The following PRRC2B variants were observed in gnomAD, a reference collection of about 807,000 sequenced individuals.
PRRC2B encodes protein PRRC2B.
In PRRC2B, 68 loss-of-function variants were observed where a neutral mutation model predicts 242.3. That is an observed-to-expected ratio of 0.28 (90% CI 0.23 to 0.34). PRRC2B has a LOEUF of 0.34. PRRC2B is among the 10% of genes least tolerant of loss of function. The pLI, the probability that PRRC2B is intolerant of heterozygous loss-of-function variation, is 1.00. For synonymous variants in PRRC2B, 1,228 were observed against 1,173.6 expected (o/e 1.05, Z -0.95); for missense variants, 2,835 against 2,954.8 (o/e 0.96, Z 0.94).
At chr9:131,382,475 C>T (rs1466132645) in intron 1 of PRRC2B, among the ~76,000 whole-genome samples, 2 of 152,064 alleles carry the variant, frequency 1.3e-5, no homozygotes, top group Non-Finnish European at 2.9e-5. Flanking sequence ...TCCCAGGGAA[C>T]CCCTGTGTTG....
intron 19 of PRRC2B, among the ~76,000 whole-genome samples, chr9:131,479,969 T>C (rs917584548): frequency 6.6e-6 from 1 of 152,352 alleles, no homozygotes; most frequent in South Asian, 2.1e-4. Context: ...AATTTTTCCT[T>C]ATAAAATAGA....
At chr9:131,401,441 G>A (rs1026015162) in intron 1 of PRRC2B, among the ~76,000 whole-genome samples, 1 of 151,492 alleles carries the variant, frequency 6.6e-6, no homozygotes, top group African/African-American at 2.4e-5. Context: ...GAGTGCAGTG[G>A]CACGATCTTG....
At chr9:131,452,998 T>C (rs963771656) in intron 9 of PRRC2B, among the ~76,000 whole-genome samples, 5 of 152,254 alleles carry the variant, frequency 3.3e-5, no homozygotes, top group Admixed American at 3.3e-4. Context: ...TGTTTTTGTC[T>C]GCTTCTATGA....
In PRRC2B at chr9:131,446,308, T is replaced by A; in HGVS notation, c.614-93T>A. The A allele has an allele frequency of 6.9e-7, 1 of 1,448,338 alleles. No homozygotes were observed. The highest frequency in any genetic ancestry group is 9.3e-7 in the Non-Finnish European group (1 of 1,075,888). 89.7% of individuals were successfully genotyped at this position (1,448,338 alleles called of 1,614,324 possible). A position where few individuals can be genotyped will look rare whatever the true frequency, so the allele number is the denominator to read the frequency against. ...TTTGTTTTTCATTTTATTTTTTTGG[T>A]GAAGGAGGGGGTCCCTTGACCTTCA... On this transcript the variant is annotated intron_variant, in intron 6 of 31. Coordinates refer to ENST00000683519, the MANE Select transcript of PRRC2B (RefSeq NM_013318.4). The surrounding 1 kb of genome is among the most constrained non-coding windows in gnomAD (Gnocchi z 4.1).
intron 1 of PRRC2B, among the ~76,000 whole-genome samples, chr9:131,407,714 C>T (rs1372228372): frequency 6.6e-6 from 1 of 152,112 alleles, no homozygotes; most frequent in African/African-American, 2.4e-5. Context: ...AGAGAAAGTT[C>T]CTTTGTCTCG....
chr9:131,393,052 G>C (rs1836931511), upstream of PRRC2B, among the ~76,000 whole-genome samples: 1 of 152,132 alleles, frequency 6.6e-6, no homozygotes, highest in South Asian at 2.1e-4. Flanking sequence ...ACTAAGCTTT[G>C]TTCACCAGCC....
At chr9:131,406,304 C>T (rs561217309) in intron 1 of PRRC2B, among the ~76,000 whole-genome samples, 55 of 152,328 alleles carry the variant, frequency 3.6e-4, no homozygotes, top group Non-Finnish European at 6.9e-4. Flanking sequence ...CTGTACATCT[C>T]TCCACAATGA....
At position 131,487,892 on chromosome 9, in the gene PRRC2B, C is replaced by T. The variant is rs373360996; in HGVS notation, c.6021C>T (p.Pro2007=). ...ACATGCACCCCAGCCTGTCACCGCC[C>T]AGCACCATGATCCTCTCTGGGGGCA... ...QVYMHPSLSP[P]STMILSGGTA... The change falls in exon 28 of 32, where the codon CCC becomes CCT. Residue 2007 remains proline, a synonymous_variant. Coordinates refer to ENST00000683519, the MANE Select transcript of PRRC2B (RefSeq NM_013318.4). The surrounding 1 kb of genome is among the most constrained non-coding windows in gnomAD (Gnocchi z 5.3). 1.3e-5 allele frequency: 21 copies of T among 1,613,382 alleles called. No homozygotes were observed. In the South Asian group the frequency reaches 2.0e-4, roughly 15 times the overall value.
intron 11 of PRRC2B, among the ~76,000 whole-genome samples, chr9:131,459,872 G>T (rs992563345): frequency 2.0e-5 from 3 of 150,710 alleles, no homozygotes; most frequent in Non-Finnish European, 1.5e-5. Flanking sequence ...AAAACAGCCA[G>T]GCATGGTGGC....
At chr9:131,445,855 G>T (rs1211093748) in intron 6 of PRRC2B, among the ~76,000 whole-genome samples, 1 of 152,234 alleles carries the variant, frequency 6.6e-6, no homozygotes, top group Non-Finnish European at 1.5e-5. Context: ...AGACAGGTCA[G>T]CAGGTTTCCG....
At position 131,482,273 on chromosome 9, in the gene PRRC2B, C is replaced by G; in HGVS notation, c.4984-98C>G. The G allele has an allele frequency of 7.5e-7, 1 of 1,327,558 alleles. No individual in the cohort carries two copies. Among genetic ancestry groups the G allele is most frequent in the Non-Finnish European group, 1.0e-6 (1 of 964,460 alleles). The allele number at this position is 1,327,558 out of a possible 1,614,324, so 82.2% of individuals were successfully genotyped here. Reference sequence around the variant, plus strand: ...AGGACCAGACTTGGCAAGGGACAGGCAGCTGGGGTAGAAAAGTCTCTGTGC... The same window carrying G: ...AGGACCAGACTTGGCAAGGGACAGGGAGCTGGGGTAGAAAAGTCTCTGTGC... On this transcript the variant is annotated intron_variant, in intron 20 of 31. Transcript: ENST00000683519. This position sits in a 1 kb window ranked among gnomAD's most constrained non-coding sequence, Gnocchi z 5.2.
chr9:131,469,555 C>T (rs1240932150), intron 13 of PRRC2B, among the ~76,000 whole-genome samples: 2 of 152,158 alleles, frequency 1.3e-5, no homozygotes, highest in Non-Finnish European at 2.9e-5. Context: ...GGAGTGCCAA[C>T]AGAACTGTCC....
chr9:131,425,159 T>C (rs1350014460), intron 1 of PRRC2B, among the ~76,000 whole-genome samples: 1 of 151,974 alleles, frequency 6.6e-6, no homozygotes, highest in Admixed American at 6.6e-5. Context: ...CTCCTTTTTG[T>C]ATTTTTAGTA....
At chr9:131,424,403 C>G (rs750029434) in intron 1 of PRRC2B, among the ~76,000 whole-genome samples, 7 of 148,878 alleles carry the variant, frequency 4.7e-5, no homozygotes, top group African/African-American at 1.5e-4. Context: ...GTTGGGGGCA[C>G]TGGCTGGGTG....
intron 1 of PRRC2B, among the ~76,000 whole-genome samples, chr9:131,421,611 G>T (rs1837845339): frequency 6.6e-6 from 1 of 152,204 alleles, no homozygotes; most frequent in South Asian, 2.1e-4. Context: ...CAGCCTCACG[G>T]CCAGGGCACG....
intron 4 of PRRC2B, 25 bp from the exon 5 acceptor site, chr9:131,438,964 C>T: frequency 1.3e-6 from 2 of 1,592,746 alleles, no homozygotes; most frequent in Non-Finnish European, 1.7e-6. Context: ...AGCTGGCCCT[C>T]TTCTGATTCT....
At chr9:131,428,555 T>G (rs1838035788) in intron 1 of PRRC2B, among the ~76,000 whole-genome samples, 1 of 151,882 alleles carries the variant, frequency 6.6e-6, no homozygotes, top group African/African-American at 2.4e-5. Flanking sequence ...CACCACCATC[T>G]CTGGCTAATT....
At chr9:131,400,963 C>CTTTT (rs765033495) in intron 1 of PRRC2B, among the ~76,000 whole-genome samples, 1 of 131,366 alleles carries the variant, frequency 7.6e-6, no homozygotes. Context: ...TTCTTTCTTT[C>CTTTT]TTTTTTTTTT....
At position 131,487,081 on chromosome 9, in the gene PRRC2B, T is replaced by C; in HGVS notation, c.5857-86T>C. On this transcript the variant is annotated intron_variant, in intron 26 of 31. Transcript: ENST00000683519. The surrounding 1 kb of genome is among the most constrained non-coding windows in gnomAD (Gnocchi z 5.3). ...TTTGGGCAGTGTTCCAGCAGCCATG[T>C]GGAGAGGGGCAGGGGAGGTGGGAGG... 8.3e-7 allele frequency: 1 copy of C among 1,209,106 alleles called. No individual in the cohort carries two copies. Among genetic ancestry groups the C allele is most frequent in the East Asian group, 2.4e-5 (1 of 41,844 alleles). The allele number at this position is 1,209,106 out of a possible 1,614,324, so 74.9% of individuals were successfully genotyped here.
Sources: allele counts gnomAD v4.1 joint callset (sites outside exome capture counted in the v4.1 genomes callset), GRCh38; gene constraint gnomAD v4.1.1; non-coding constraint Gnocchi (gnomAD v3.1); transcripts MANE v1.5; gene names NCBI Gene and HGNC (gene_info 2026-07-23, HGNC 2026-07-21).